The following LRRTM4 variants were observed in gnomAD, a reference collection of about 807,000 sequenced individuals.
LRRTM4 encodes the protein leucine rich repeat transmembrane neuronal 4.
In LRRTM4, 25 loss-of-function variants were observed where a neutral mutation model predicts 47.6. The observed-to-expected ratio is 0.53, with a 90% CI of 0.38 to 0.73. The LOEUF (loss-of-function observed/expected upper bound fraction) is 0.73, where lower values mean the gene tolerates loss of function less well. Among genes scored for constraint, LRRTM4 ranks in the 30% least tolerant of loss-of-function variants. The pLI is 0.00. For synonymous variants in LRRTM4, 311 were observed against 269.5 expected (o/e 1.15, Z -1.51); for missense variants, 638 against 713.4 (o/e 0.89, Z 1.20).
intron 3 of LRRTM4, among the ~76,000 whole-genome samples, chr2:77,265,424 A>G (rs974287792): frequency 1.3e-5 from 2 of 151,956 alleles, no homozygotes; most frequent in African/African-American, 4.8e-5. Context: ...TGAGCGTGGC[A>G]TTTTCTCTCA....
At chr2:77,287,534 C>T (rs1573198280) in intron 3 of LRRTM4, among the ~76,000 whole-genome samples, 2 of 151,996 alleles carry the variant, frequency 1.3e-5, no homozygotes, top group African/African-American at 4.8e-5. Context: ...CTGAAAATAA[C>T]AAATAGAAAA....
chr2:77,260,503 C>T (rs1675892418), intron 3 of LRRTM4, among the ~76,000 whole-genome samples: 1 of 151,842 alleles, frequency 6.6e-6, no homozygotes, highest in African/African-American at 2.4e-5. Flanking sequence ...TACCAAACCA[C>T]TCCTTACCAC....
intron 3 of LRRTM4, among the ~76,000 whole-genome samples, chr2:77,222,119 G>C (rs1399384118): frequency 6.6e-6 from 1 of 152,134 alleles, no homozygotes; most frequent in South Asian, 2.1e-4. Context: ...GGGTACATAA[G>C]GAAATGAAGG....
intron 3 of LRRTM4, among the ~76,000 whole-genome samples, chr2:77,338,264 T>C (rs570194685): frequency 1.1e-4 from 16 of 152,148 alleles, no homozygotes; most frequent in African/African-American, 3.4e-4. Context: ...ACTAAACAGC[T>C]TCTGCACAGC....
chr2:77,288,927 T>G (rs904860017), intron 3 of LRRTM4, among the ~76,000 whole-genome samples: 35 of 146,860 alleles, frequency 2.4e-4, no homozygotes, highest in Non-Finnish European at 7.4e-5. Context: ...TCTGAAACAC[T>G]GGGAAAAAAA....
At chr2:77,008,998 ATCT>A (rs1321253783) in intron 3 of LRRTM4, 1 of 151,904 alleles carries the variant, frequency 6.6e-6, no homozygotes, top group Non-Finnish European at 1.5e-5. Flanking sequence ...ACTGACTGAC[ATCT>A]TCTTGTCTCT....
chr2:77,227,911 T>G (rs973053791), intron 3 of LRRTM4, among the ~76,000 whole-genome samples: 1 of 152,108 alleles, frequency 6.6e-6, no homozygotes, highest in African/African-American at 2.4e-5. Context: ...TCTTACAAAA[T>G]GAGATATCAT....
intron 3 of LRRTM4, among the ~76,000 whole-genome samples, chr2:76,929,651 A>T (rs1286082869): frequency 6.6e-6 from 1 of 152,172 alleles, no homozygotes; most frequent in Non-Finnish European, 1.5e-5. Context: ...TAAACAAGTG[A>T]AGTCCAGCAT....
At chr2:76,887,147 G>A (rs547873204) in intron 3 of LRRTM4, among the ~76,000 whole-genome samples, 3 of 151,622 alleles carry the variant, frequency 2.0e-5, no homozygotes, top group South Asian at 2.1e-4. Flanking sequence ...AGATATAGGC[G>A]AGCAAATACC....
rs1313769693 is a variant in LRRTM4, at chr2:77,057,451, A to T, written c.1552-308535T>A. Among the ~76,000 whole-genome samples, 3 of 152,324 alleles carry T rather than the reference A, an allele frequency of 2.0e-5. No individual in the cohort carries two copies. In the East Asian group the frequency reaches 5.8e-4, roughly 29 times the overall value. On this transcript the variant is annotated intron_variant, in intron 3 of 3. Coordinates refer to ENST00000409884, the MANE Select transcript of LRRTM4 (RefSeq NM_001134745.3). Reference sequence around the variant, plus strand: ...TATCATTGGCCACAAGAAGACCACTAATTAGAGGAATAACTAGCTCACAAA... The same window carrying T: ...TATCATTGGCCACAAGAAGACCACTTATTAGAGGAATAACTAGCTCACAAA...
At chr2:77,263,795 C>T in intron 3 of LRRTM4, among the ~76,000 whole-genome samples, 1 of 152,050 alleles carries the variant, frequency 6.6e-6, no homozygotes, top group East Asian at 1.9e-4. Flanking sequence ...TCTTCCCCTA[C>T]TATATCCTAT....
intron 3 of LRRTM4, among the ~76,000 whole-genome samples, chr2:77,390,551 G>A (rs1673462783): frequency 6.6e-6 from 1 of 151,830 alleles, no homozygotes; most frequent in South Asian, 2.1e-4. Context: ...TAACATATGT[G>A]AAGCATCATT....
At chr2:77,276,035 G>A (rs1558664421) in intron 3 of LRRTM4, among the ~76,000 whole-genome samples, 1 of 151,976 alleles carries the variant, frequency 6.6e-6, no homozygotes, top group Admixed American at 6.6e-5. Flanking sequence ...AGTAGGAAAA[G>A]TGTGACTGAA....
At chr2:76,966,635 C>T (rs1676033732) in intron 3 of LRRTM4, among the ~76,000 whole-genome samples, 1 of 151,484 alleles carries the variant, frequency 6.6e-6, no homozygotes, top group African/African-American at 2.4e-5. Flanking sequence ...AAAATTATCA[C>T]CTTCTTGTCT....
At chr2:77,298,060 G>C (rs1677021792) in intron 3 of LRRTM4, among the ~76,000 whole-genome samples, 1 of 152,192 alleles carries the variant, frequency 6.6e-6, no homozygotes, top group Admixed American at 6.5e-5. Flanking sequence ...AGAGTAAAGA[G>C]AGAGTAAATT....
At chr2:76,897,950 C>T (rs372455140) in intron 3 of LRRTM4, among the ~76,000 whole-genome samples, 12 of 152,254 alleles carry the variant, frequency 7.9e-5, no homozygotes, top group Non-Finnish European at 1.2e-4. Flanking sequence ...AAATAGGAAA[C>T]GCTTTACATG....
chr2:77,149,939 A>G (rs1275899411), intron 3 of LRRTM4, among the ~76,000 whole-genome samples: 1 of 152,126 alleles, frequency 6.6e-6, no homozygotes, highest in Non-Finnish European at 1.5e-5. Flanking sequence ...GACTTAATAA[A>G]GATAATCAGT....
intron 3 of LRRTM4, among the ~76,000 whole-genome samples, chr2:76,773,230 T>C (rs1673791441): frequency 6.6e-6 from 1 of 152,208 alleles, no homozygotes; most frequent in African/African-American, 2.4e-5. Context: ...AAGCCCCAAG[T>C]AGCAAACCCA....
chr2:77,154,447 C>G (rs2103792201), intron 3 of LRRTM4, among the ~76,000 whole-genome samples: 1 of 151,922 alleles, frequency 6.6e-6, no homozygotes, highest in African/African-American at 2.4e-5. Flanking sequence ...TGACAATTAG[C>G]AAAGAAGAAA....
Sources: gnomAD v4.1 joint callset for allele counts (sites outside exome capture counted in the v4.1 genomes callset) on GRCh38, gnomAD v4.1.1 for gene constraint, MANE v1.5 for transcripts, NCBI Gene and HGNC (gene_info 2026-07-23, HGNC 2026-07-21) for gene names.